The following RABEP1 variants were observed in gnomAD, a reference collection of about 807,000 sequenced individuals.
The protein encoded by RABEP1 is rab GTPase-binding effector protein 1.
In RABEP1, 51 loss-of-function variants were observed where a neutral mutation model predicts 123.4. The ratio of observed to expected loss-of-function variants is 0.41; its 90% confidence interval spans 0.33 to 0.52. The LOEUF (loss-of-function observed/expected upper bound fraction) is 0.52. Ranked by LOEUF, RABEP1 falls within the 20% of genes least tolerant of loss-of-function variation. The pLI, the probability that RABEP1 is intolerant of heterozygous loss-of-function variation, is 0.16. For missense variants in RABEP1, 888 were observed against 996.3 expected (o/e 0.89, Z 1.46); for synonymous variants, 347 against 355.2 (o/e 0.98, Z 0.26).
At chr17:5,310,511 G>C (rs1176106879) in intron 2 of RABEP1, among the ~76,000 whole-genome samples, 1 of 151,614 alleles carries the variant, frequency 6.6e-6, no homozygotes, top group African/African-American at 2.4e-5. Flanking sequence ...GTAGAGACGG[G>C]GTTTCACCAT....
At position 5,378,249 on chromosome 17, in the gene RABEP1, AAATT is replaced by A. The variant is rs1340311764; in HGVS notation, c.2271+22_2271+25del. On this transcript the variant is annotated intron_variant, in intron 15 of 17. Coordinates refer to ENST00000537505, the MANE Select transcript of RABEP1 (RefSeq NM_004703.6). ...AAAGGACAGGTAAGTCGTGAGTTTC[AAATT>A]AATTCTATCAGCAACCAGTGGTTAT... is the stretch of plus-strand genomic sequence containing the variant. The A allele has an allele frequency of 6.4e-7, 1 of 1,557,426 alleles. No homozygotes were observed. The highest frequency in any genetic ancestry group is 1.7e-5 in the Admixed American group (1 of 59,934).
intron 7 of RABEP1, among the ~76,000 whole-genome samples, chr17:5,352,564 G>A (rs1357438443): frequency 2.0e-5 from 3 of 150,136 alleles, no homozygotes; most frequent in Non-Finnish European, 4.4e-5. Context: ...GGCGCGGATG[G>A]TCACACCTGT....
rs1008104744 is a variant in RABEP1, at chr17:5,329,595, G to T, written c.164-2354G>T. 2.0e-5 allele frequency among the ~76,000 whole-genome samples: 3 copies of T among 152,116 alleles called. No homozygotes were observed. In the East Asian group the frequency reaches 5.8e-4, roughly 29 times the overall value. On this transcript the variant is annotated intron_variant, in intron 2 of 17. Coordinates refer to ENST00000537505, the MANE Select transcript of RABEP1 (RefSeq NM_004703.6). ...GAGTCTTGGTGAAAGCTATATGAAG[G>T]ATTGTTGTAGTATACCCTCAACTTT...
intron 8 of RABEP1, among the ~76,000 whole-genome samples, chr17:5,359,644 A>G (rs1239360030): frequency 6.6e-6 from 1 of 152,186 alleles, no homozygotes; most frequent in Non-Finnish European, 1.5e-5. Context: ...ATTAACTCAA[A>G]ATTTGTCACC....
chr17:5,325,853 A>G (rs781128280), intron 2 of RABEP1, among the ~76,000 whole-genome samples: 2 of 152,208 alleles, frequency 1.3e-5, no homozygotes, highest in Non-Finnish European at 2.9e-5. Context: ...ATAAAATGCA[A>G]CAGTAACAAA....
chr17:5,343,074 A>C (rs1164602559), intron 5 of RABEP1, among the ~76,000 whole-genome samples: 1 of 152,130 alleles, frequency 6.6e-6, no homozygotes, highest in Admixed American at 6.6e-5. Flanking sequence ...AGCCTGGCCA[A>C]CATGGTGAAA....
At chr17:5,285,636 A>G (rs1371764805) in intron 1 of RABEP1, among the ~76,000 whole-genome samples, 1 of 152,234 alleles carries the variant, frequency 6.6e-6, no homozygotes, top group Non-Finnish European at 1.5e-5. Context: ...TGCAAACACT[A>G]TAGGCATTAT....
At chr17:5,373,286 C>T (rs1386969006) in intron 12 of RABEP1, 28 bp from the exon 13 acceptor site, 1 of 1,601,682 alleles carries the variant, frequency 6.2e-7, no homozygotes, top group South Asian at 1.1e-5. Context: ...ACCTTTCTGG[C>T]TGTGATTAGT....
At chr17:5,336,687 A>AT (rs2144612609) in intron 4 of RABEP1, 1 of 268,090 alleles carries the variant, frequency 3.7e-6, no homozygotes, top group African/African-American at 2.3e-5. Context: ...TTGATTTGTG[A>AT]TCAGTTCTTT....
chr17:5,282,987 T>G (rs978910682), intron 1 of RABEP1, among the ~76,000 whole-genome samples: 1 of 152,124 alleles, frequency 6.6e-6, no homozygotes, highest in African/African-American at 2.4e-5. Context: ...AAAGTAGTTG[T>G]GTACAGTAAC....
chr17:5,360,301 G>A (rs578223385), intron 8 of RABEP1, among the ~76,000 whole-genome samples: 3 of 152,238 alleles, frequency 2.0e-5, no homozygotes, highest in African/African-American at 7.2e-5. Context: ...GGTGGCTCAC[G>A]CCTGTAATCC....
intron 9 of RABEP1, among the ~76,000 whole-genome samples, chr17:5,362,466 A>C (rs1909634302): frequency 6.6e-6 from 1 of 152,234 alleles, no homozygotes; most frequent in African/African-American, 2.4e-5. Context: ...CAGCTTACTG[A>C]GGCCTGAAAG....
intron 12 of RABEP1, among the ~76,000 whole-genome samples, chr17:5,372,408 AC>A (rs1910593233): frequency 6.6e-6 from 1 of 152,098 alleles, no homozygotes; most frequent in Non-Finnish European, 1.5e-5. Context: ...CCGAGATCAC[AC>A]CACTGCATTC....
chr17:5,325,375 C>T (rs1284760714), intron 2 of RABEP1, among the ~76,000 whole-genome samples: 1 of 151,860 alleles, frequency 6.6e-6, no homozygotes, highest in African/African-American at 2.4e-5. Context: ...CTGTCATTTG[C>T]AGCAACATGG....
chr17:5,372,389 T>C (rs998694559), intron 12 of RABEP1, among the ~76,000 whole-genome samples: 1 of 150,948 alleles, frequency 6.6e-6, no homozygotes, highest in Non-Finnish European at 1.5e-5. Flanking sequence ...AGGTGGAGGT[T>C]GCAGTGAGCC....
rs1196455423 is a variant in RABEP1, at chr17:5,315,490, C to T, written c.163+6668C>T. On this transcript the variant is annotated intron_variant, in intron 2 of 17. Coordinates refer to ENST00000537505, the MANE Select transcript of RABEP1 (RefSeq NM_004703.6). The stretch of plus-strand genomic sequence containing the variant: ...TAAAGAATATTTGAAGAGATAATAA[C>T]TTAGATTTTTACTAATAAAAAATGT... 2.0e-5 allele frequency among the ~76,000 whole-genome samples: 3 copies of T among 152,252 alleles called. No homozygotes were observed. In the East Asian group the frequency reaches 5.8e-4, roughly 29 times the overall value.
chr17:5,346,897 T>A lies in RABEP1; in HGVS notation c.756T>A (p.Ala252=). 6.2e-7 allele frequency: 1 copy of A among 1,605,636 alleles called. No homozygotes were observed. Among genetic ancestry groups the A allele is most frequent in the Non-Finnish European group, 8.5e-7 (1 of 1,174,928 alleles). The change falls in exon 6 of 18, where the codon GCT becomes GCA. Residue 252 remains alanine (A), a synonymous_variant. Coordinates refer to ENST00000537505, the MANE Select transcript of RABEP1 (RefSeq NM_004703.6). ...NTQKSVLQED[A]EKLRKELHEV... Reference sequence around the variant, plus strand: ...AGAAATCTGTTCTACAGGAAGATGCTGAGAAACTGCGGAAAGAATTGCATG... The same window carrying A: ...AGAAATCTGTTCTACAGGAAGATGCAGAGAAACTGCGGAAAGAATTGCATG...
intron 1 of RABEP1, among the ~76,000 whole-genome samples, chr17:5,297,847 C>G (rs922164222): frequency 8.5e-5 from 13 of 152,168 alleles, no homozygotes; most frequent in African/African-American, 2.9e-4. Flanking sequence ...TGCTCTATGG[C>G]TTCTCATATA....
Position 5,361,559 on chromosome 17 carries a change from CAAG to C in RABEP1, c.1452_1454del (p.Glu485del). The stretch of plus-strand genomic sequence containing the variant: ...AGCAATCAAGGCGATGACACCAGAA[CAAG>C]AAGAGACAGCGTCCCTCCTCTCCAG... On this transcript the variant is annotated inframe_deletion, in exon 9 of 18. Transcript: ENST00000537505. 6.2e-7 allele frequency: 1 copy of C among 1,614,190 alleles called. No individual in the cohort carries two copies. Among genetic ancestry groups the C allele is most frequent in the South Asian group, 1.1e-5 (1 of 91,086 alleles).
Sources: gnomAD v4.1 joint callset for allele counts (sites outside exome capture counted in the v4.1 genomes callset) on GRCh38, gnomAD v4.1.1 for gene constraint, MANE v1.5 for transcripts, NCBI Gene and HGNC (gene_info 2026-07-23, HGNC 2026-07-21) for gene names.